Variants in UBR1 observed in about 807,000 individuals in gnomAD.
UBR1 encodes ubiquitin protein ligase E3 component n-recognin 1, also known as E3 ubiquitin-protein ligase UBR1.
UBR1 carries 102 observed loss-of-function variants against 242.1 expected under a neutral mutation model. The ratio of observed to expected loss-of-function variants is 0.42; its 90% CI spans 0.36 to 0.50. The LOEUF (loss-of-function observed/expected upper bound fraction) is 0.50. UBR1 is among the 20% of genes least tolerant of loss of function. The pLI is 0.01. For synonymous variants in UBR1, 675 were observed against 684.8 expected, an observed-to-expected ratio of 0.99 and a Z score of 0.22; for missense variants, 1,772 against 2,101.8, an observed-to-expected ratio of 0.84 and a Z score of 3.07.
chr15:43,096,854 T>C (rs750241606), intron 1 of UBR1, among the ~76,000 whole-genome samples: 11 of 152,136 alleles, frequency 7.2e-5, no homozygotes, highest in Non-Finnish European at 1.5e-4. Context: ...TCTACTAAAG[T>C]CTTGAACCCC....
At chr15:43,061,538 CACATACACAT>C (rs975666642) in intron 6 of UBR1, among the ~76,000 whole-genome samples, 1 of 150,306 alleles carries the variant, frequency 6.7e-6, no homozygotes, top group African/African-American at 2.5e-5. Flanking sequence ...CACACATATA[CACATACACAT>C]ACATACACAC....
intron 5 of UBR1, among the ~76,000 whole-genome samples, chr15:43,070,542 C>T (rs895936900): frequency 4.6e-5 from 7 of 152,046 alleles, no homozygotes; most frequent in Non-Finnish European, 1.0e-4. Flanking sequence ...AGAACAGGAC[C>T]CCAAAAATGT....
chr15:43,032,563 C>G lies in UBR1; in HGVS notation c.2254+5G>C. The G allele has an allele frequency of 6.6e-7, 1 of 1,525,182 alleles. No homozygotes were observed. Among genetic ancestry groups the G allele is most frequent in the Non-Finnish European group, 9.1e-7 (1 of 1,104,722 alleles). 94.5% of individuals were successfully genotyped at this position (1,525,182 alleles called of 1,614,324 possible). On this transcript the variant is annotated splice_donor_5th_base_variant and intron_variant, in intron 20 of 46. Coordinates refer to ENST00000290650, the MANE Select transcript of UBR1 (RefSeq NM_174916.3). ...CTATTTCAAAACATTGTGTTTTAAT[C>G]TTACCCACAATATAGATGAGGACCT... is the stretch of plus-strand genomic sequence containing the variant.
At chr15:42,953,208 C>T (rs2031863406) in intron 44 of UBR1, among the ~76,000 whole-genome samples, 1 of 152,152 alleles carries the variant, frequency 6.6e-6, no homozygotes, top group African/African-American at 2.4e-5. Context: ...ATGCTGGAGG[C>T]GTGCTATAAT....
In UBR1 at chr15:43,096,538, A is replaced by G. The variant is rs138440236; in HGVS notation, c.81+9404T>C. Among the ~76,000 whole-genome samples, 524 of 152,322 alleles carry G rather than the reference A, an allele frequency of 3.4e-3. 2 individuals carry two copies. The highest frequency in any genetic ancestry group is 0.012 in the African/African-American group (499 of 41,574). Reference sequence around the variant, plus strand: ...TTTTCACAAAAGATTTCTCTGTAGCATGTGATAGCATGTTACCAATGGCAG... The same window carrying G: ...TTTTCACAAAAGATTTCTCTGTAGCGTGTGATAGCATGTTACCAATGGCAG... On this transcript the variant is annotated intron_variant, in intron 1 of 46. Transcript: ENST00000290650.
In UBR1 at chr15:43,043,398, A is replaced by G. The variant is rs748737812; in HGVS notation, c.1669-3T>C. Reference sequence around the variant, plus strand: ...TAAGCCACAAGTAAGAGTTCTTCCTAAGAGGAAAATAAGATACAAAAAGTT... The same window carrying G: ...TAAGCCACAAGTAAGAGTTCTTCCTGAGAGGAAAATAAGATACAAAAAGTT... On this transcript the variant is annotated splice_polypyrimidine_tract_variant and splice_region_variant and intron_variant, in intron 14 of 46. Transcript: ENST00000290650. 6.2e-7 allele frequency: 1 copy of G among 1,613,938 alleles called. No homozygotes were observed. Among genetic ancestry groups the G allele is most frequent in the Non-Finnish European group, 8.5e-7 (1 of 1,179,948 alleles).
chr15:43,033,166 C>A (rs533103308), intron 19 of UBR1, among the ~76,000 whole-genome samples: 1 of 152,002 alleles, frequency 6.6e-6, no homozygotes, highest in Non-Finnish European at 1.5e-5. Context: ...CAGTGGCATG[C>A]GCCACTGCTC....
chr15:42,992,470 T>G (rs2032570824), intron 33 of UBR1, among the ~76,000 whole-genome samples: 1 of 152,268 alleles, frequency 6.6e-6, no homozygotes, highest in Non-Finnish European at 1.5e-5. Context: ...TCTCATCCTC[T>G]GTGGATGGTG....
chr15:42,957,304 A>G (rs1440807441), intron 44 of UBR1, among the ~76,000 whole-genome samples: 1 of 152,248 alleles, frequency 6.6e-6, no homozygotes, highest in Non-Finnish European at 1.5e-5. Context: ...CTTTCATATA[A>G]TATATCCAGA....
In UBR1 at chr15:43,043,411, GA is replaced by G; in HGVS notation, c.1669-17del. The G allele has an allele frequency of 6.2e-7, 1 of 1,613,448 alleles. No homozygotes were observed. The highest frequency in any genetic ancestry group is 8.5e-7 in the Non-Finnish European group (1 of 1,179,608). ...AGAGTTCTTCCTAAGAGGAAAATAA[GA>G]TACAAAAAGTTGACAAGTTTTCTAC... On this transcript the variant is annotated splice_polypyrimidine_tract_variant and intron_variant, in intron 14 of 46. Coordinates refer to ENST00000290650, the MANE Select transcript of UBR1 (RefSeq NM_174916.3).
chr15:42,994,182 T>C (rs1470640669), intron 33 of UBR1, among the ~76,000 whole-genome samples: 1 of 152,178 alleles, frequency 6.6e-6, no homozygotes, highest in Non-Finnish European at 1.5e-5. Flanking sequence ...ATAAGTATCG[T>C]ACATAATTTC....
chr15:42,962,877 C>A (rs967219705), intron 42 of UBR1, among the ~76,000 whole-genome samples: 1 of 152,076 alleles, frequency 6.6e-6, no homozygotes, highest in Non-Finnish European at 1.5e-5. Context: ...AGTCAGCTGA[C>A]AAGGTAGACT....
At chr15:42,957,136 T>C (rs1270266765) in intron 44 of UBR1, among the ~76,000 whole-genome samples, 2 of 152,152 alleles carry the variant, frequency 1.3e-5, no homozygotes, top group Non-Finnish European at 2.9e-5. Flanking sequence ...TGCCCATCTA[T>C]GGATGAAGGA....
At chr15:43,088,607 T>C (rs898295341) in intron 1 of UBR1, among the ~76,000 whole-genome samples, 1 of 152,078 alleles carries the variant, frequency 6.6e-6, no homozygotes, top group Non-Finnish European at 1.5e-5. Context: ...GCGATTTTCC[T>C]GCCTCAGCCT....
In UBR1 at chr15:42,971,058, T is replaced by G. The variant is rs574471910; in HGVS notation, c.4370-451A>C. Among the ~76,000 whole-genome samples, 352 of 152,346 alleles carry G rather than the reference T, an allele frequency of 2.3e-3. 1 individual carries two copies. The highest frequency in any genetic ancestry group is 0.014 in the Middle Eastern group (4 of 294). On this transcript the variant is annotated intron_variant, in intron 39 of 46. Transcript: ENST00000290650. ...AGTAGTTGATGCTGAATTTTAAAGT[T>G]GTTAGGTAAACTTTATCTATATATT...
At chr15:42,990,217 C>T in intron 33 of UBR1, 97 bp from the exon 34 acceptor site, 2 of 881,408 alleles carry the variant, frequency 2.3e-6, no homozygotes, top group South Asian at 1.5e-5. Flanking sequence ...GACAGTCTCA[C>T]TCTGTCACCC....
At chr15:43,069,752 C>T (rs559344101) in intron 5 of UBR1, among the ~76,000 whole-genome samples, 95 of 152,302 alleles carry the variant, frequency 6.2e-4, no homozygotes, top group African/African-American at 2.2e-3. Flanking sequence ...GGGCCTAGAA[C>T]TCAGATGTGT....
intron 1 of UBR1, among the ~76,000 whole-genome samples, chr15:43,100,953 C>T (rs1484180385): frequency 6.6e-6 from 1 of 152,188 alleles, no homozygotes; most frequent in African/African-American, 2.4e-5. Context: ...ACAGTAATTA[C>T]AGATTGTAAT....
At chr15:43,093,429 A>G (rs1449806831) in intron 1 of UBR1, among the ~76,000 whole-genome samples, 3 of 152,196 alleles carry the variant, frequency 2.0e-5, no homozygotes, top group African/African-American at 7.2e-5. Flanking sequence ...GAGCATCTCT[A>G]GGCACCAAAA....
Sources: allele counts gnomAD v4.1 joint callset (sites outside exome capture counted in the v4.1 genomes callset), GRCh38; gene constraint gnomAD v4.1.1; transcripts MANE v1.5; gene names NCBI Gene and HGNC (gene_info 2026-07-23, HGNC 2026-07-21).